Variants in EIF3A observed in about 807,000 individuals in gnomAD.
The protein encoded by EIF3A is EIF3, p180 subunit.
In EIF3A, 21 loss-of-function variants were observed where a neutral mutation model predicts 186.6. The ratio of observed to expected loss-of-function variants is 0.11; its 90% confidence interval spans 0.08 to 0.16. EIF3A has a LOEUF of 0.16. EIF3A is among the 10% of genes least tolerant of loss of function. The pLI is 1.00. For missense variants in EIF3A, 1,306 were observed against 1,796.3 expected (o/e 0.73, Z 4.93); for synonymous variants, 563 against 584.3 (o/e 0.96, Z 0.52).
rs1589685110 is a variant in EIF3A, at chr10:119,042,112, G to A, written c.3408C>T (p.Asp1136=). The A allele has an allele frequency of 6.2e-7, 1 of 1,614,146 alleles. No homozygotes were observed. Among genetic ancestry groups the A allele is most frequent in the Middle Eastern group, 1.6e-4 (1 of 6,062 alleles). Residue 1136 remains aspartate, a synonymous_variant, in exon 19 of 22, where the codon GAC becomes GAT. Coordinates refer to ENST00000369144, the MANE Select transcript of EIF3A (RefSeq NM_003750.4). This position sits in a 1 kb window ranked among gnomAD's most constrained non-coding sequence, Gnocchi z 7.8. The stretch of plus-strand genomic sequence containing the variant: ...CATCCATGTTTCTCCAAGGGCCCCT[G>A]TCATCCTCTGCACCACGCCTGGGAA... The part of the protein sequence containing the change: ...DRIPRRGAED[D]RGPWRNMDDD...
At chr10:119,040,244 A>T (rs779715410) in intron 19 of EIF3A, among the ~76,000 whole-genome samples, 10 of 152,180 alleles carry the variant, frequency 6.6e-5, no homozygotes, top group Non-Finnish European at 1.5e-4. Context: ...GGGTGAGGAA[A>T]ATGATGCTGA....
chr10:119,056,695 A>AT, intron 14 of EIF3A, 45 bp downstream of exon 14: 1 of 1,274,082 alleles, frequency 7.8e-7, no homozygotes, highest in Non-Finnish European at 1.1e-6. Context: ...CTGGCAGAGG[A>AT]TTTTATTACA....
rs765537311 is a variant in EIF3A at position 119,038,435 on chromosome 10, T to C, written c.3531A>G (p.Gly1177=). The change falls in exon 20 of 22, where the codon GGA becomes GGG. Residue 1177 remains glycine, a synonymous_variant. Transcript: ENST00000369144. ...GPWRPLVKPG[G]WREKEKAREE... is the part of the protein sequence containing the mutation. The stretch of plus-strand genomic sequence containing the variant: ...CTCTGGCTTTTTCTTTCTCTCTCCA[T>C]CCACCTGTTTTTTTGAAAAAGCAAA... The C allele has an allele frequency of 6.3e-7, 1 of 1,593,836 alleles. No homozygotes were observed. The highest frequency in any genetic ancestry group is 1.4e-5 in the African/African-American group (1 of 73,638).
intron 17 of EIF3A, among the ~76,000 whole-genome samples, chr10:119,046,781 A>G (rs1021147601): frequency 2.0e-5 from 3 of 152,032 alleles, no homozygotes; most frequent in Non-Finnish European, 2.9e-5. Context: ...CAACATGGTT[A>G]AATTCATCTC....
At chr10:119,080,284 C>T (rs1002225754) in intron 1 of EIF3A, 1 of 983,840 alleles carries the variant, frequency 1.0e-6, no homozygotes. Flanking sequence ...CAGACCAAAG[C>T]CCCAGGGACC....
At chr10:119,044,025 G>A in intron 18 of EIF3A, 29 bp downstream of exon 18, 1 of 1,474,968 alleles carries the variant, frequency 6.8e-7, no homozygotes, top group South Asian at 1.1e-5. Context: ...AGGAACTGGA[G>A]CGGCATTATT....
intron 2 of EIF3A, 48 bp from the exon 3 acceptor site, chr10:119,073,625 C>A (rs772057852): frequency 7.6e-6 from 12 of 1,586,608 alleles, no homozygotes; most frequent in Non-Finnish European, 1.0e-5. Flanking sequence ...TTCCATTGAA[C>A]CATAAGATGT....
In EIF3A at chr10:119,034,857, G is replaced by A. The variant is rs1318390354; in HGVS notation, c.*1182C>T. The A allele has an allele frequency of 2.0e-5, 3 of 152,160 alleles. No individual in the cohort carries two copies. Among genetic ancestry groups the A allele is most frequent in the Non-Finnish European group, 4.4e-5 (3 of 68,014 alleles). 9.4% of individuals were successfully genotyped at this position (152,160 alleles called of 1,614,324 possible). A position where few individuals can be genotyped will look rare whatever the true frequency, so the allele number is the denominator to read the frequency against. On this transcript the variant is annotated 3_prime_UTR_variant, in exon 22 of 22. Coordinates refer to ENST00000369144, the MANE Select transcript of EIF3A (RefSeq NM_003750.4). Reference sequence around the variant, plus strand: ...ACTAAGGAATTCCTGCATTAACAAAGGAAGACATGTTAGGGGGACATCCTA... The same window carrying A: ...ACTAAGGAATTCCTGCATTAACAAAAGAAGACATGTTAGGGGGACATCCTA...
chr10:119,060,734 T>G lies in EIF3A; in HGVS notation c.1326+12A>C. 1 of 1,579,580 alleles carries G rather than the reference T, an allele frequency of 6.3e-7. No individual in the cohort carries two copies. The highest frequency in any genetic ancestry group is 2.3e-5 in the East Asian group (1 of 44,170). On this transcript the variant is annotated intron_variant, in intron 9 of 21. Transcript: ENST00000369144. ...TAACATCACAAAACTTTTTTTATTT[T>G]TTTATTTTTACCTGCTGCAGAAGGC...
Position 119,059,687 on chromosome 10 carries a change from G to C in EIF3A, c.1358C>G (p.Ser453Cys), listed in dbSNP as rs1230125116. The C allele has an allele frequency of 1.2e-6, 2 of 1,614,000 alleles. No homozygotes were observed. The highest frequency in any genetic ancestry group is 2.7e-5 in the African/African-American group (2 of 75,014). The change falls in exon 10 of 22, where the codon TCT becomes TGT. Residue 453 changes from serine (S) to cysteine (C), a missense_variant. Ser to Cys is a moderately radical substitution (Grantham distance 112). This residue lies in a region of EIF3A where 267 missense variants were observed against 367.8 expected (regional missense o/e 0.73). Transcript: ENST00000369144. Reference protein sequence around the residue: ...VSQIYQSIEFSRLTSLVPFVD... With the variant: ...VSQIYQSIEFCRLTSLVPFVD... ...AAAAGGAACCAAAGAAGTCAAACGA[G>C]AAAACTCAATGCTCTGATAAATCTG... is the stretch of plus-strand genomic sequence containing the variant.
chr10:119,072,109 G>C (rs574341270), intron 4 of EIF3A, among the ~76,000 whole-genome samples: 61 of 150,528 alleles, frequency 4.1e-4, no homozygotes, highest in Non-Finnish European at 6.9e-4. Context: ...CAGCACTTTG[G>C]GAGGCTGAAG....
At chr10:119,048,849 T>C (rs1355183669) in intron 17 of EIF3A, among the ~76,000 whole-genome samples, 1 of 152,066 alleles carries the variant, frequency 6.6e-6, no homozygotes. Context: ...TTTTTTATTT[T>C]TAGTAGAGAC....
Position 119,066,550 on chromosome 10 carries a change from TA to T in EIF3A, c.951-981del, listed in dbSNP as rs372209974. Among the ~76,000 whole-genome samples the T allele has an allele frequency of 7.9e-3, 785 of 99,748 alleles. 2 individuals carry two copies. The highest frequency in any genetic ancestry group is 0.012 in the Admixed American group (116 of 9,548). The allele number at this position is 99,748 out of a possible 152,430, so 65.4% of individuals were successfully genotyped here. ...AAAAAAAAAAAAAAACCTAAGGAAGTAAGTGGCAATAAGGCAGAAAAAAATT... is the reference window on the plus strand; with the variant it reads ...AAAAAAAAAAAAAAACCTAAGGAAGTAGTGGCAATAAGGCAGAAAAAAATT... On this transcript the variant is annotated intron_variant, in intron 6 of 21. Transcript: ENST00000369144.
At chr10:119,043,279 C>CGTG (rs1848239253) in intron 18 of EIF3A, among the ~76,000 whole-genome samples, 2 of 152,016 alleles carry the variant, frequency 1.3e-5, no homozygotes, top group Admixed American at 1.3e-4. Context: ...ATTAGCCAGG[C>CGTG]GTGGTGGTGC....
intron 9 of EIF3A, 121 bp from the exon 10 acceptor site, chr10:119,059,839 T>C (rs1843854856): frequency 2.7e-6 from 2 of 740,008 alleles, no homozygotes; most frequent in East Asian, 2.5e-5. Flanking sequence ...TAGCAGTACA[T>C]TGTTAAAGCC....
At chr10:119,047,585 G>A (rs1848297101) in intron 17 of EIF3A, among the ~76,000 whole-genome samples, 1 of 152,146 alleles carries the variant, frequency 6.6e-6, no homozygotes, top group South Asian at 2.1e-4. Context: ...GCTTCCTCAT[G>A]TTCCTAAGGA....
chr10:119,074,985 T>C (rs12240938), intron 1 of EIF3A, among the ~76,000 whole-genome samples: 2 of 8,554 alleles, frequency 2.3e-4, no homozygotes, highest in African/African-American at 2.5e-4. Flanking sequence ...ATTTTTTTTC[T>C]TTTTTTTTTT....
chr10:119,038,526 T>G (rs1331999830), intron 19 of EIF3A, 87 bp from the exon 20 acceptor site: 22 of 1,050,892 alleles, frequency 2.1e-5, no homozygotes, highest in Non-Finnish European at 1.4e-6. Context: ...TGGCATTAAT[T>G]CATCATCATT....
At chr10:119,037,699 T>C (rs1004772121) in intron 20 of EIF3A, among the ~76,000 whole-genome samples, 2 of 152,120 alleles carry the variant, frequency 1.3e-5, no homozygotes, top group African/African-American at 4.8e-5. Context: ...AAGGACACTT[T>C]GGCAGCGGGA....
Sources: allele counts gnomAD v4.1 joint callset (sites outside exome capture counted in the v4.1 genomes callset), GRCh38; gene constraint gnomAD v4.1.1; regional missense constraint gnomAD v4.1.1; non-coding constraint Gnocchi (gnomAD v3.1); transcripts MANE v1.5; gene names NCBI Gene and HGNC (gene_info 2026-07-23, HGNC 2026-07-21).